The following PCNX3 variants were observed in gnomAD, a reference collection of about 807,000 sequenced individuals.
The protein encoded by PCNX3 is pecanex 3, also known as pecanex-like protein 3.
PCNX3 carries 58 observed loss-of-function variants against 207.2 expected under a neutral mutation model. The observed-to-expected ratio is 0.28, with a 90% CI of 0.23 to 0.35. The LOEUF is 0.35. PCNX3 is among the 10% of genes least tolerant of loss of function. The pLI is 1.00. For missense variants in PCNX3, 2,410 were observed against 2,774.4 expected (o/e 0.87, Z 2.95); for synonymous variants, 1,337 against 1,183.5 (o/e 1.13, Z -2.66).
rs752459083 is a variant in PCNX3 at position 65,625,364 on chromosome 11, G to A, written c.3030-41G>A. The A allele has an allele frequency of 4.8e-5, 76 of 1,592,748 alleles. 1 individual carries two copies. The highest frequency in any genetic ancestry group is 1.7e-4 in the Middle Eastern group (1 of 6,046). ...ATGTGCCCGTGACTGGGGCCGGGGG[G>A]AAGGAGGGGCGGCCTCCTCCTGACT... On this transcript the variant is annotated intron_variant, in intron 17 of 34. Transcript: ENST00000355703. This position sits in a 1 kb window ranked among gnomAD's most constrained non-coding sequence, Gnocchi z 5.6.
Position 65,620,440 on chromosome 11 carries a change from A to C in PCNX3, c.2099+11A>C. 6.2e-7 allele frequency: 1 copy of C among 1,610,876 alleles called. No homozygotes were observed. Among genetic ancestry groups the C allele is most frequent in the Non-Finnish European group, 8.5e-7 (1 of 1,178,844 alleles). On this transcript the variant is annotated intron_variant, in intron 9 of 34. Coordinates refer to ENST00000355703, the MANE Select transcript of PCNX3 (RefSeq NM_032223.4). ...AGCTAATGGAGCCTGGTGAGTTCCCAAGCCTGGCCTCCCAAGCCATTGTCT... is the reference window on the plus strand; with the variant it reads ...AGCTAATGGAGCCTGGTGAGTTCCCCAGCCTGGCCTCCCAAGCCATTGTCT...
At position 65,630,385 on chromosome 11, in the gene PCNX3, C is replaced by T; in HGVS notation, c.4251C>T (p.Ile1417=). Residue 1417 remains isoleucine (I), a synonymous_variant, in exon 27 of 35, where the codon ATC becomes ATT. Transcript: ENST00000355703. The part of the protein sequence containing the change: ...TYCQQREVEA[I]TEGVEEDEGC... ...GCCAGCAGCGCGAGGTGGAGGCTATCACCGAGGGTGTGGAGGAGGACGAGG... is the reference window on the plus strand; with the variant it reads ...GCCAGCAGCGCGAGGTGGAGGCTATTACCGAGGGTGTGGAGGAGGACGAGG... The T allele has an allele frequency of 1.2e-6, 2 of 1,613,392 alleles. No homozygotes were observed. Among genetic ancestry groups the T allele is most frequent in the Non-Finnish European group, 8.5e-7 (1 of 1,179,896 alleles).
In PCNX3 at chr11:65,634,979, G is replaced by C; in HGVS notation, c.4812G>C (p.Glu1604Asp). 6.2e-7 allele frequency: 1 copy of C among 1,612,820 alleles called. No individual in the cohort carries two copies. Among genetic ancestry groups the C allele is most frequent in the Non-Finnish European group, 8.5e-7 (1 of 1,179,042 alleles). The change falls in exon 30 of 35, where the codon GAG (glutamate) becomes GAC (aspartate). Residue 1604 changes from glutamate to aspartate, a missense_variant. By Grantham distance (45) the Glu-to-Asp change is conservative. This residue lies in a region of PCNX3 where 420 missense variants were observed against 705.3 expected (regional missense o/e 0.60). Transcript: ENST00000355703. The stretch of plus-strand genomic sequence containing the variant: ...TGTTTTTCCTCCCACTTAGCCTGGA[G>C]CCCTTCCTCTACGGCCTGCACGCCC... ...TASHSMSASLEPFLYGLHALF... is the reference protein window; with the variant it reads ...TASHSMSASLDPFLYGLHALF...
chr11:65,622,950 T>C (rs1394277532), intron 11 of PCNX3, among the ~76,000 whole-genome samples: 2 of 151,428 alleles, frequency 1.3e-5, no homozygotes, highest in East Asian at 3.9e-4. Context: ...GAAAATCGAG[T>C]GCTGTAACCT....
chr11:65,623,841 G>C (rs2135434487), intron 12 of PCNX3, 88 bp from the exon 13 acceptor site: 3 of 1,588,320 alleles, frequency 1.9e-6, no homozygotes, highest in Non-Finnish European at 2.6e-6. Context: ...ACTCATAACT[G>C]CCTAGTGGTG....
At chr11:65,620,294 C>T (rs761350963) in intron 8 of PCNX3, 45 bp from the exon 9 acceptor site, 2 of 1,571,032 alleles carry the variant, frequency 1.3e-6, no homozygotes, top group Non-Finnish European at 1.7e-6. Context: ...GGCCTTGGTG[C>T]TTCTGTCTCT....
rs750800856 is a variant in PCNX3, at chr11:65,623,920, C to T, written c.2512-9C>T. On this transcript the variant is annotated splice_polypyrimidine_tract_variant and intron_variant, in intron 12 of 34. Coordinates refer to ENST00000355703, the MANE Select transcript of PCNX3 (RefSeq NM_032223.4). ...GCTCTAGTTGCCAACGTAGCCCTGT[C>T]TCTTCCAGAGCGTGCAGCCTGATGC... 1.2e-6 allele frequency: 2 copies of T among 1,612,642 alleles called. No homozygotes were observed. The highest frequency in any genetic ancestry group is 1.3e-5 in the African/African-American group (1 of 74,938).
chr11:65,616,347 G>T lies in PCNX3; in HGVS notation c.36G>T (p.Gly12=), dbSNP rs769184578. Residue 12 remains glycine, a synonymous_variant, in exon 1 of 35, where the codon GGG becomes GGT. Transcript: ENST00000355703. ...AGGTGTTGCAGATCCTGCGCCAGGG[G>T]GTGTGGGCCTCGCTCACCGGCGGTT... ...GSQVLQILRQ[G]VWASLTGGWF... 3 of 1,607,028 alleles carry T rather than the reference G, an allele frequency of 1.9e-6. No homozygotes were observed. The highest frequency in any genetic ancestry group is 2.5e-6 in the Non-Finnish European group (3 of 1,178,664).
In PCNX3 at chr11:65,627,526, C is replaced by A; in HGVS notation, c.3646C>A (p.Arg1216Ser). 6.2e-7 allele frequency: 1 copy of A among 1,613,858 alleles called. No individual in the cohort carries two copies. Among genetic ancestry groups the A allele is most frequent in the African/African-American group, 1.3e-5 (1 of 75,000 alleles). ...TVLLFHFDYPRLSQGFLLDYF... is the reference protein window; with the variant it reads ...TVLLFHFDYPSLSQGFLLDYF... ...CCTGCTCTTCCACTTTGACTACCCG[C>A]GCCTCTCCCAGGGCTTTCTGCTTGA... is the stretch of plus-strand genomic sequence containing the variant. The change falls in exon 22 of 35, where the codon CGC becomes AGC. Residue 1216 changes from arginine to serine, a missense_variant. Coordinates refer to ENST00000355703, the MANE Select transcript of PCNX3 (RefSeq NM_032223.4).
chr11:65,625,434 A>G lies in PCNX3; in HGVS notation c.3059A>G (p.Glu1020Gly). 28 of 1,603,570 alleles carry G rather than the reference A, an allele frequency of 1.7e-5. No homozygotes were observed. Among genetic ancestry groups the G allele is most frequent in the Non-Finnish European group, 2.4e-5 (28 of 1,178,628 alleles). ...CTGATCCGGAGCAAGCTGTTCCCTG[A>G]GCTGGAGGAGCGCAGCTTGGAGACA... ...WSLIRSKLFP[E>G]LEERSLETAR... Residue 1020 changes from glutamate (E) to glycine (G), a missense_variant, in exon 18 of 35, where the codon GAG (glutamate) becomes GGG (glycine). Coordinates refer to ENST00000355703, the MANE Select transcript of PCNX3 (RefSeq NM_032223.4). The surrounding 1 kb of genome is among the most constrained non-coding windows in gnomAD (Gnocchi z 5.6).
chr11:65,616,735 CTG>C, intron 1 of PCNX3, 87 bp from the exon 2 acceptor site: 5 of 1,420,012 alleles, frequency 3.5e-6, no homozygotes, highest in Non-Finnish European at 4.8e-6. Context: ...TCTTGTGAGT[CTG>C]TGAATCCCAG....
At chr11:65,623,756 G>T (rs1273139552) in intron 12 of PCNX3, 112 bp downstream of exon 12, 3 of 1,533,124 alleles carry the variant, frequency 2.0e-6, no homozygotes, top group Non-Finnish European at 1.8e-6. Context: ...TTTGTCTAAG[G>T]TTCCCTAGAG....
At position 65,619,572 on chromosome 11, in the gene PCNX3, A is replaced by G. The variant is rs1854962841; in HGVS notation, c.1741A>G (p.Ser581Gly). Reference protein sequence around the residue: ...EETGRRDRSSSVRRTQAIRRR... With the variant: ...EETGRRDRSSGVRRTQAIRRR... The stretch of plus-strand genomic sequence containing the variant: ...GACTGGCAGGCGGGACCGCTCAAGC[A>G]GTGTGAGGCGGACCCAGGCCATTCG... Residue 581 changes from serine (S) to glycine (G), a missense_variant, in exon 7 of 35, where the codon AGT becomes GGT. By Grantham distance (56) the Ser-to-Gly change is moderately conservative. Transcript: ENST00000355703. 6.2e-7 allele frequency: 1 copy of G among 1,609,692 alleles called. No homozygotes were observed. The highest frequency in any genetic ancestry group is 1.7e-5 in the Admixed American group (1 of 59,860).
Position 65,637,157 on chromosome 11 carries a change from TCTCTCATCC to T in PCNX3, c.*181_*189del. The T allele has an allele frequency of 1.5e-6, 1 of 682,328 alleles. No homozygotes were observed. The highest frequency in any genetic ancestry group is 2.4e-6 in the Non-Finnish European group (1 of 411,958). 42.3% of individuals were successfully genotyped at this position (682,328 alleles called of 1,614,324 possible). On this transcript the variant is annotated 3_prime_UTR_variant, in exon 35 of 35. Transcript: ENST00000355703. The stretch of plus-strand genomic sequence containing the variant: ...AGACCTCTGACCTTGACCCCTGATC[TCTCTCATCC>T]CCAGTCCAGGGCCTGGGCTCCCCAG...
Position 65,619,883 on chromosome 11 carries a change from C to G in PCNX3, c.1959C>G (p.Thr653=), listed in dbSNP as rs370064689. The part of the protein sequence containing the change: ...RAGANVHEAC[T]FDDTSEGAVH... ...GTGCCAATGTGCATGAGGCCTGCACCTTTGATGACACTTCTGAGGGTGCTG... is the reference window on the plus strand; with the variant it reads ...GTGCCAATGTGCATGAGGCCTGCACGTTTGATGACACTTCTGAGGGTGCTG... Residue 653 remains threonine, a synonymous_variant, in exon 8 of 35, where the codon ACC becomes ACG. Transcript: ENST00000355703. 9 of 1,611,822 alleles carry G rather than the reference C, an allele frequency of 5.6e-6. No individual in the cohort carries two copies. The highest frequency in any genetic ancestry group is 2.2e-5 in the South Asian group (2 of 91,020).
chr11:65,616,994 G>A lies in PCNX3; in HGVS notation c.324G>A (p.Gly108=). 5.0e-6 allele frequency: 8 copies of A among 1,610,870 alleles called. No individual in the cohort carries two copies. The highest frequency in any genetic ancestry group is 6.8e-6 in the Non-Finnish European group (8 of 1,178,962). ...AGCTGGAGGAAGAGCCTGCCCAGGG[G>A]GACAGCAATCCACCCAGGTGGGTGG... is the stretch of plus-strand genomic sequence containing the variant. The part of the protein sequence containing the change: ...MGELEEEPAQ[G]DSNPPRDPGV... The change falls in exon 2 of 35, where the codon GGG becomes GGA. Residue 108 remains glycine, a synonymous_variant. Transcript: ENST00000355703.
At chr11:65,621,121 C>G (rs898269925) in intron 10 of PCNX3, among the ~76,000 whole-genome samples, 155 bp downstream of exon 10, 3 of 152,216 alleles carry the variant, frequency 2.0e-5, no homozygotes, top group Admixed American at 6.5e-5. Context: ...CTGTCCTGAT[C>G]TTTGATGTTG....
rs1305887707 is a variant in PCNX3 at position 65,637,154 on chromosome 11, ATC to A, written c.*183_*184del. Reference sequence around the variant, plus strand: ...CCCAGACCTCTGACCTTGACCCCTGATCTCTCTCATCCCCAGTCCAGGGCCTG... The same window carrying A: ...CCCAGACCTCTGACCTTGACCCCTGATCTCTCATCCCCAGTCCAGGGCCTG... On this transcript the variant is annotated 3_prime_UTR_variant, in exon 35 of 35. Transcript: ENST00000355703. The A allele has an allele frequency of 8.7e-6, 6 of 689,252 alleles. No individual in the cohort carries two copies. Among genetic ancestry groups the A allele is most frequent in the South Asian group, 5.6e-5 (3 of 53,628 alleles). 42.7% of individuals were successfully genotyped at this position (689,252 alleles called of 1,614,324 possible). A position where few individuals can be genotyped will look rare whatever the true frequency, so the allele number is the denominator to read the frequency against.
In PCNX3 at chr11:65,625,726, C is replaced by T. The variant is rs777043232; in HGVS notation, c.3210C>T (p.Thr1070=). Reference sequence around the variant, plus strand: ...TCACCTTCGCCATCAGCGCCAGCACCGTCTTTATTGCCCTGAAGGTTTGTG... The same window carrying T: ...TCACCTTCGCCATCAGCGCCAGCACTGTCTTTATTGCCCTGAAGGTTTGTG... ...AVLTFAISAS[T]VFIALKSVLG... Residue 1070 remains threonine (T), a synonymous_variant, in exon 19 of 35, where the codon ACC becomes ACT. Transcript: ENST00000355703. This position sits in a 1 kb window ranked among gnomAD's most constrained non-coding sequence, Gnocchi z 5.6. 8 of 1,610,224 alleles carry T rather than the reference C, an allele frequency of 5.0e-6. No homozygotes were observed. The highest frequency in any genetic ancestry group is 4.0e-5 in the African/African-American group (3 of 74,910).
Sources: gnomAD v4.1 joint callset for allele counts (sites outside exome capture counted in the v4.1 genomes callset) on GRCh38, gnomAD v4.1.1 for gene constraint, gnomAD v4.1.1 regional missense constraint, Gnocchi (gnomAD v3.1) non-coding constraint, MANE v1.5 for transcripts, NCBI Gene and HGNC (gene_info 2026-07-23, HGNC 2026-07-21) for gene names.